The following SLCO3A1 variants were observed in gnomAD, a reference collection of about 807,000 sequenced individuals.
SLCO3A1 encodes the protein solute carrier organic anion transporter family member 3A1, also known as PGE1 transporter.
SLCO3A1 carries 27 observed loss-of-function variants against 63.1 expected under a neutral mutation model. The ratio of observed to expected loss-of-function variants is 0.43; its 90% CI spans 0.32 to 0.59. The LOEUF (loss-of-function observed/expected upper bound fraction) is 0.59, where lower values mean the gene tolerates loss of function less well. SLCO3A1 is among the 20% of genes least tolerant of loss of function. SLCO3A1 has a pLI of 0.09. For missense variants in SLCO3A1, 773 were observed against 945.8 expected, an observed-to-expected ratio of 0.82 and a Z score of 2.40; for synonymous variants, 473 against 409.9, an observed-to-expected ratio of 1.15 and a Z score of -1.86.
intron 7 of SLCO3A1, among the ~76,000 whole-genome samples, chr15:92,132,921 T>C (rs1223893421): frequency 1.4e-5 from 2 of 145,984 alleles, no homozygotes; most frequent in Non-Finnish European, 3.1e-5. Flanking sequence ...TCAGAGATTC[T>C]GATTCCCTTA....
chr15:91,955,023 TGTC>T (rs1900123093), intron 2 of SLCO3A1, among the ~76,000 whole-genome samples: 1 of 152,146 alleles, frequency 6.6e-6, no homozygotes, highest in Non-Finnish European at 1.5e-5. Context: ...AGGGTCACCT[TGTC>T]GTCCTCTGCC....
chr15:92,051,735 A>C (rs1028609516), intron 2 of SLCO3A1, among the ~76,000 whole-genome samples: 1 of 152,138 alleles, frequency 6.6e-6, no homozygotes, highest in African/African-American at 2.4e-5. Flanking sequence ...GAGAAATGGC[A>C]GAAGGAACAG....
intron 3 of SLCO3A1, among the ~76,000 whole-genome samples, chr15:92,101,621 C>T (rs893625898): frequency 1.7e-4 from 26 of 152,314 alleles, no homozygotes; most frequent in Middle Eastern, 3.4e-3. Flanking sequence ...AAGCCTCCCC[C>T]GCCCTCAGGG....
intron 1 of SLCO3A1, among the ~76,000 whole-genome samples, chr15:91,861,619 C>G (rs1253448492): frequency 6.6e-6 from 1 of 152,116 alleles, no homozygotes; most frequent in Non-Finnish European, 1.5e-5. Context: ...ACATAGGCTG[C>G]CATAAGCCCC....
intron 2 of SLCO3A1, among the ~76,000 whole-genome samples, chr15:92,035,785 C>T (rs2046718195): frequency 6.6e-6 from 1 of 151,822 alleles, no homozygotes; most frequent in South Asian, 2.1e-4. Context: ...GGCATTGCTT[C>T]CTCTCCTGGG....
At position 91,854,752 on chromosome 15, in the gene SLCO3A1, T is replaced by TA. The variant is rs1883042554; in HGVS notation, c.180+665dup. Among the ~76,000 whole-genome samples the TA allele has an allele frequency of 6.6e-6, 1 of 152,308 alleles. No individual in the cohort carries two copies. The highest frequency in any genetic ancestry group is 3.4e-3 in the Middle Eastern group (1 of 294). ...AGCTGCGAGTTTGTGTAGTTCCTGCTATCCACTCTTAGTGCTAAATTCCCC... is the reference window on the plus strand; with the variant it reads ...AGCTGCGAGTTTGTGTAGTTCCTGCTAATCCACTCTTAGTGCTAAATTCCCC... On this transcript the variant is annotated intron_variant, in intron 1 of 9. Transcript: ENST00000318445. This position sits in a 1 kb window ranked among gnomAD's most constrained non-coding sequence, Gnocchi z 6.4.
chr15:92,169,039 G>A (rs1485759305), downstream of SLCO3A1, among the ~76,000 whole-genome samples: 2 of 152,156 alleles, frequency 1.3e-5, no homozygotes, highest in Non-Finnish European at 1.5e-5. Context: ...TAACAGATAT[G>A]CCAGGTAAAA....
intron 9 of SLCO3A1, among the ~76,000 whole-genome samples, chr15:92,155,578 G>A (rs2048361045): frequency 6.6e-6 from 1 of 152,104 alleles, no homozygotes; most frequent in Non-Finnish European, 1.5e-5. Context: ...TCTGCTTTAG[G>A]TAGAGCAGCA....
intron 4 of SLCO3A1, among the ~76,000 whole-genome samples, chr15:92,112,902 T>C (rs1056327743): frequency 2.6e-4 from 40 of 152,192 alleles, no homozygotes; most frequent in African/African-American, 9.4e-4. Flanking sequence ...GTATTTCTCT[T>C]TCCAGGCTTT....
intron 2 of SLCO3A1, among the ~76,000 whole-genome samples, chr15:92,084,573 C>T (rs1001114121): frequency 6.6e-6 from 1 of 152,182 alleles, no homozygotes; most frequent in South Asian, 2.1e-4. Context: ...GGGTCAGAAA[C>T]ACGAATGGGT....
intron 2 of SLCO3A1, among the ~76,000 whole-genome samples, chr15:91,926,604 CGCACG>C (rs201865919): frequency 4.6e-5 from 2 of 43,622 alleles, no homozygotes; most frequent in African/African-American, 2.3e-4. Flanking sequence ...TGTGCGCGCG[CGCACG>C]CCCATGCTTA....
intron 5 of SLCO3A1, among the ~76,000 whole-genome samples, chr15:92,123,277 T>G (rs1280497807): frequency 6.6e-6 from 1 of 152,012 alleles, no homozygotes. Flanking sequence ...ATACAAAAAT[T>G]AGGCGTGTCA....
chr15:91,987,148 A>G (rs1051986289), intron 2 of SLCO3A1, among the ~76,000 whole-genome samples: 1 of 152,200 alleles, frequency 6.6e-6, no homozygotes, highest in Non-Finnish European at 1.5e-5. Flanking sequence ...TAAAAACCGT[A>G]TAGTTGAGAA....
At chr15:92,110,248 C>T (rs750249065) in intron 4 of SLCO3A1, among the ~76,000 whole-genome samples, 11 of 152,262 alleles carry the variant, frequency 7.2e-5, no homozygotes, top group Non-Finnish European at 1.5e-4. Flanking sequence ...AAGTCTCTCT[C>T]CAGCCTGCCC....
At chr15:91,964,838 G>C (rs1365288959) in intron 2 of SLCO3A1, among the ~76,000 whole-genome samples, 2 of 152,016 alleles carry the variant, frequency 1.3e-5, no homozygotes, top group Admixed American at 6.5e-5. Flanking sequence ...TCACAGAATT[G>C]AGTGACTTGC....
intron 7 of SLCO3A1, among the ~76,000 whole-genome samples, chr15:92,129,278 C>T (rs1296752413): frequency 6.6e-6 from 1 of 152,176 alleles, no homozygotes; most frequent in Admixed American, 6.5e-5. Context: ...GACCCTTTCT[C>T]ATGCTACTCT....
chr15:92,126,366 A>G (rs1049820072), intron 6 of SLCO3A1, 107 bp downstream of exon 6: 1 of 872,184 alleles, frequency 1.1e-6, no homozygotes. Flanking sequence ...ACCTGAGGAG[A>G]CGCATCACGG....
In SLCO3A1 at chr15:91,856,692, T is replaced by A. The variant is rs1264948421; in HGVS notation, c.180+2604T>A. ...CGTGCTAAGTGTGCGTTATACGTGA[T>A]CCTTACCTTGGCAATCAGCCTGCCT... is the stretch of plus-strand genomic sequence containing the variant. On this transcript the variant is annotated intron_variant, in intron 1 of 9. Coordinates refer to ENST00000318445, the MANE Select transcript of SLCO3A1 (RefSeq NM_013272.4). The surrounding 1 kb of genome is among the most constrained non-coding windows in gnomAD (Gnocchi z 4.9). 6.6e-6 allele frequency among the ~76,000 whole-genome samples: 1 copy of A among 152,190 alleles called. No individual in the cohort carries two copies. Among genetic ancestry groups the A allele is most frequent in the Non-Finnish European group, 1.5e-5 (1 of 68,040 alleles).
chr15:91,896,369 G>A (rs377218465), intron 1 of SLCO3A1, among the ~76,000 whole-genome samples: 4 of 152,268 alleles, frequency 2.6e-5, no homozygotes, highest in East Asian at 3.9e-4. Flanking sequence ...GTGCAGTCAC[G>A]ATTGCTTCTC....
Sources: allele counts gnomAD v4.1 joint callset (sites outside exome capture counted in the v4.1 genomes callset), GRCh38; gene constraint gnomAD v4.1.1; non-coding constraint Gnocchi (gnomAD v3.1); transcripts MANE v1.5; gene names NCBI Gene and HGNC (gene_info 2026-07-23, HGNC 2026-07-21).